Variants in GANC observed in about 807,000 individuals in gnomAD.
GANC encodes neutral alpha-glucosidase C.
GANC carries 117 observed loss-of-function variants against 124.2 expected under a neutral mutation model. The observed-to-expected ratio is 0.94, with a 90% CI of 0.81 to 1.10. GANC has a LOEUF of 1.10. GANC is among the 50% of genes least tolerant of loss of function. The probability of loss-of-function intolerance (pLI) is 0.00; values close to 1 mark genes in which losing one functional copy is unlikely to be tolerated. For missense variants in GANC, 1,140 were observed against 1,095.0 expected (o/e 1.04, Z -0.58); for synonymous variants, 377 against 376.8 (o/e 1.00, Z -0.01).
At chr15:42,319,823 G>A (rs982709476) in intron 10 of GANC, among the ~76,000 whole-genome samples, 4 of 152,148 alleles carry the variant, frequency 2.6e-5, no homozygotes, top group African/African-American at 9.7e-5. Context: ...ATCCCAATCT[G>A]AAAATCCAAA....
intron 22 of GANC, among the ~76,000 whole-genome samples, chr15:42,350,551 CTTTT>C (rs1265729419): frequency 4.9e-5 from 6 of 123,346 alleles, no homozygotes; most frequent in Admixed American, 3.3e-4. Context: ...ACAGAGTTGT[CTTTT>C]TTTTTTTTTT....
chr15:42,274,566 T>C (rs1595759058), intron 1 of GANC, 56 bp downstream of exon 1: 1 of 1,503,110 alleles, frequency 6.7e-7, no homozygotes, highest in Non-Finnish European at 9.0e-7. Flanking sequence ...AAACAGGGAA[T>C]AGTGTTTTAA....
Position 42,343,304 on chromosome 15 carries a change from C to T in GANC, c.2229+150C>T, listed in dbSNP as rs1185253743. The T allele has an allele frequency of 6.3e-6, 4 of 638,426 alleles. No homozygotes were observed. In the East Asian group the frequency reaches 8.5e-5, roughly 14 times the overall value. The allele number at this position is 638,426 out of a possible 1,614,324, so 39.5% of individuals were successfully genotyped here. ...ATTATAATAAGTCATGACCACTGTC[C>T]TCAGAGGTCAAGAAACTTAATGGAG... On this transcript the variant is annotated intron_variant, in intron 19 of 23. Coordinates refer to ENST00000318010, the MANE Select transcript of GANC (RefSeq NM_198141.3).
At chr15:42,317,405 T>A (rs4924668) in intron 10 of GANC, among the ~76,000 whole-genome samples, 138,492 of 152,216 alleles carry the variant, frequency 0.91, 64,357 homozygotes, top group Non-Finnish European at 1. Flanking sequence ...GGTGTGAGTG[T>A]TAGGGAGTTA....
At chr15:42,277,837 G>A (rs987864098) in intron 2 of GANC, among the ~76,000 whole-genome samples, 1 of 142,032 alleles carries the variant, frequency 7.0e-6, no homozygotes, top group African/African-American at 2.6e-5. Flanking sequence ...CCTGACCTCA[G>A]ATGATCCATC....
intron 4 of GANC, among the ~76,000 whole-genome samples, chr15:42,292,033 C>G (rs1192588041): frequency 6.6e-6 from 1 of 152,128 alleles, no homozygotes; most frequent in East Asian, 1.9e-4. Context: ...TTACTGGGGA[C>G]ACTGTGCACT....
At chr15:42,328,401 A>G (rs756435257) in intron 13 of GANC, among the ~76,000 whole-genome samples, 14 of 152,092 alleles carry the variant, frequency 9.2e-5, no homozygotes, top group Non-Finnish European at 2.1e-4. Context: ...ATGTTTGCCA[A>G]TCCCTGCTTT....
At chr15:42,306,648 A>G in intron 7 of GANC, 36 bp downstream of exon 7, 1 of 1,395,486 alleles carries the variant, frequency 7.2e-7, no homozygotes, top group South Asian at 1.3e-5. Context: ...AAAACAGATC[A>G]TTCTAAAAAT....
At chr15:42,294,574 CAAAAA>C (rs34588821) in intron 5 of GANC, among the ~76,000 whole-genome samples, 1 of 119,322 alleles carries the variant, frequency 8.4e-6, no homozygotes, top group Non-Finnish European at 1.7e-5. Context: ...GACTCTGTCT[CAAAAA>C]AAAAAAAAAA....
rs1057442459 is a variant in GANC, at chr15:42,329,161, T to G, written c.1501-145T>G. ...ATGAACAAAACAGACAAAATGTTGT[T>G]CCCTGTGGAACTTATACTCTAGCAG... On this transcript the variant is annotated intron_variant, in intron 13 of 23. Coordinates refer to ENST00000318010, the MANE Select transcript of GANC (RefSeq NM_198141.3). 7 of 769,014 alleles carry G rather than the reference T, an allele frequency of 9.1e-6. No homozygotes were observed. In the Admixed American group the frequency reaches 1.6e-4, roughly 17 times the overall value. The allele number at this position is 769,014 out of a possible 1,614,324, so 47.6% of individuals were successfully genotyped here.
Position 42,273,954 on chromosome 15 carries a change from G to C in GANC, c.-528G>C, listed in dbSNP as rs2051621191. On this transcript the variant is annotated 5_prime_UTR_variant, in exon 1 of 24. Coordinates refer to ENST00000318010, the MANE Select transcript of GANC (RefSeq NM_198141.3). ...GGCCCCTTCTAGCCCTGAAGAGTAC[G>C]ATGCTGCAGTACAATCTGGCTGGAG... 9.7e-6 allele frequency: 2 copies of C among 205,260 alleles called. No homozygotes were observed. Among genetic ancestry groups the C allele is most frequent in the South Asian group, 1.4e-4 (2 of 14,268 alleles). 12.7% of individuals were successfully genotyped at this position (205,260 alleles called of 1,614,324 possible). A position where few individuals can be genotyped will look rare whatever the true frequency, so the allele number is the denominator to read the frequency against.
At chr15:42,310,909 C>T (rs2052044755) in intron 10 of GANC, 63 bp downstream of exon 10, 3 of 1,534,340 alleles carry the variant, frequency 2.0e-6, no homozygotes, top group Non-Finnish European at 2.7e-6. Flanking sequence ...CATGTGTCAT[C>T]ACGGTAAGTT....
chr15:42,322,077 A>T, intron 11 of GANC, 57 bp downstream of exon 11: 1 of 1,443,698 alleles, frequency 6.9e-7, no homozygotes. Flanking sequence ...AAAATGTTTT[A>T]GACTTGCCTT....
chr15:42,317,440 G>T (rs1423812582), intron 10 of GANC, among the ~76,000 whole-genome samples: 1 of 152,156 alleles, frequency 6.6e-6, no homozygotes, highest in African/African-American at 2.4e-5. Flanking sequence ...CAGAGTTTCT[G>T]CTTGGGGTGA....
intron 10 of GANC, 140 bp from the exon 11 acceptor site, chr15:42,321,645 C>A: frequency 1.4e-6 from 1 of 734,080 alleles, no homozygotes; most frequent in Non-Finnish European, 2.3e-6. Flanking sequence ...TCCTTAAAGG[C>A]AAGGACTGTG....
intron 15 of GANC, among the ~76,000 whole-genome samples, chr15:42,338,034 C>T (rs996024092): frequency 1.3e-5 from 2 of 151,862 alleles, no homozygotes; most frequent in African/African-American, 4.8e-5. Flanking sequence ...TGCACTGCAG[C>T]CTGGGCAAGT....
At chr15:42,274,561 G>C (rs765400345) in intron 1 of GANC, 51 bp downstream of exon 1, 3 of 1,528,970 alleles carry the variant, frequency 2.0e-6, no homozygotes, top group Non-Finnish European at 8.9e-7. Flanking sequence ...CCTAGAAACA[G>C]GGAATAGTGT....
rs774189236 is a variant in GANC, at chr15:42,330,655, C to T, written c.1724C>T (p.Ala575Val). 2 of 1,606,486 alleles carry T rather than the reference C, an allele frequency of 1.2e-6. No homozygotes were observed. The highest frequency in any genetic ancestry group is 1.7e-5 in the Admixed American group (1 of 58,012). The change falls in exon 15 of 24, where the codon GCT (alanine) becomes GTT (valine). Residue 575 changes from alanine to valine, a missense_variant. Ala to Val is a moderately conservative substitution (Grantham distance 64). Coordinates refer to ENST00000318010, the MANE Select transcript of GANC (RefSeq NM_198141.3). Reference sequence around the variant, plus strand: ...TTTGTTCTTACACGTTCTTTCTTTGCTGGATCACAAAAGTATGGTAAGGAA... The same window carrying T: ...TTTGTTCTTACACGTTCTTTCTTTGTTGGATCACAAAAGTATGGTAAGGAA... The part of the protein sequence containing the change: ...RPFVLTRSFF[A>V]GSQKYGAVWT...
In GANC at chr15:42,352,382, C is replaced by G; in HGVS notation, c.*243C>G. 3.9e-6 allele frequency: 5 copies of G among 1,288,600 alleles called. No homozygotes were observed. The South Asian group carries it at 6.7e-5, about 17-fold the overall frequency. The allele number at this position is 1,288,600 out of a possible 1,614,324, so 79.8% of individuals were successfully genotyped here. A position where few individuals can be genotyped will look rare whatever the true frequency, so the allele number is the denominator to read the frequency against. ...TCTCCTTTTCTCCCTGATACATAGCCCTGAGACATTTATAGCGTTCAGGAG... is the reference window on the plus strand; with the variant it reads ...TCTCCTTTTCTCCCTGATACATAGCGCTGAGACATTTATAGCGTTCAGGAG... On this transcript the variant is annotated 3_prime_UTR_variant, in exon 24 of 24. Coordinates refer to ENST00000318010, the MANE Select transcript of GANC (RefSeq NM_198141.3).
Sources: allele counts gnomAD v4.1 joint callset (sites outside exome capture counted in the v4.1 genomes callset), GRCh38; gene constraint gnomAD v4.1.1; transcripts MANE v1.5; gene names NCBI Gene and HGNC (gene_info 2026-07-23, HGNC 2026-07-21).